Variants in ZNF606 observed in about 807,000 individuals in gnomAD.
The protein encoded by ZNF606 is zinc finger protein 328.
In ZNF606, 37 loss-of-function variants were observed where a neutral mutation model predicts 74.9. That is an observed-to-expected ratio of 0.49 (90% CI 0.38 to 0.65). The LOEUF (loss-of-function observed/expected upper bound fraction) is 0.65. ZNF606 is among the 30% of genes least tolerant of loss of function. The pLI is 0.00. For missense variants in ZNF606, 852 were observed against 952.9 expected (o/e 0.89, Z 1.39); for synonymous variants, 328 against 312.4 (o/e 1.05, Z -0.53).
chr19:58,000,820 C>T lies in ZNF606; in HGVS notation c.32-81G>A, dbSNP rs954409401. ...CAAAATACAAGAGGAGGCTGACTCG[C>T]TAATGGGCACTACAAAATTCCATAA... On this transcript the variant is annotated intron_variant, in intron 2 of 6. Coordinates refer to ENST00000551380, the MANE Select transcript of ZNF606 (RefSeq NM_001348022.3). 10 of 1,310,134 alleles carry T rather than the reference C, an allele frequency of 7.6e-6. No individual in the cohort carries two copies. In the African/African-American group the frequency reaches 1.3e-4, roughly 17 times the overall value. The allele number at this position is 1,310,134 out of a possible 1,614,324, so 81.2% of individuals were successfully genotyped here.
Position 57,988,247 on chromosome 19 carries a change from C to T in ZNF606, c.360G>A (p.Pro120=), listed in dbSNP as rs147425334. Residue 120 remains proline (P), a synonymous_variant, in exon 6 of 7, where the codon CCG becomes CCA. Transcript: ENST00000551380. ...VISLLEQGEE[P]WSVEQACPQR... The stretch of plus-strand genomic sequence containing the variant: ...GAGGACATGCCTGCTCCACTGACCA[C>T]GGCTCTTCTCCTTGCTCCAACAGGG... The T allele has an allele frequency of 9.4e-5, 152 of 1,614,000 alleles. No homozygotes were observed. The highest frequency in any genetic ancestry group is 1.9e-4 in the African/African-American group (14 of 74,914).
At chr19:57,981,477 C>T (rs1186453904) in intron 6 of ZNF606, among the ~76,000 whole-genome samples, 4 of 152,164 alleles carry the variant, frequency 2.6e-5, no homozygotes, top group Non-Finnish European at 5.9e-5. Context: ...TAAAGCCTTT[C>T]ATCTTAACAA....
At chr19:58,001,658 C>T (rs1459098656) in intron 1 of ZNF606, among the ~76,000 whole-genome samples, 1 of 152,044 alleles carries the variant, frequency 6.6e-6, no homozygotes, top group African/African-American at 2.4e-5. Flanking sequence ...ATTAATCTGA[C>T]AATTATTGTA....
chr19:57,988,298 A>C lies in ZNF606; in HGVS notation c.309T>G (p.Asn103Lys), dbSNP rs906669981. 1.9e-6 allele frequency: 3 copies of C among 1,613,700 alleles called. No homozygotes were observed. Among genetic ancestry groups the C allele is most frequent in the East Asian group, 4.5e-5 (2 of 44,860 alleles). The change falls in exon 6 of 7, where the codon AAT becomes AAG. Residue 103 changes from asparagine (N) to lysine (K), a missense_variant. Asn to Lys is a moderately conservative substitution (Grantham distance 94). Around this residue, in one of 3 missense-constraint regions of ZNF606, gnomAD observed 545 missense variants for 542.5 expected, o/e 1.00. Transcript: ENST00000551380. The stretch of plus-strand genomic sequence containing the variant: ...AGATGACCTCAGGCTTGGCAATCTG[A>C]TTTCCTATGCATGGAGGAAAAGCAT... The part of the protein sequence containing the change: ...ETYGHLLSVG[N>K]QIAKPEVISL...
upstream of ZNF606, chr19:58,003,056 G>C (rs2073469957): frequency 2.4e-6 from 1 of 410,358 alleles, no homozygotes; most frequent in Non-Finnish European, 4.9e-6. Context: ...GGTAAGTCGC[G>C]GCCCCGCGGG....
chr19:57,987,177 T>C (rs10409176), intron 6 of ZNF606, among the ~76,000 whole-genome samples: 22,169 of 152,184 alleles, frequency 0.15, 1,645 homozygotes, highest in African/African-American at 0.16. Flanking sequence ...CCTGTGTGTA[T>C]GCCTCTGTGT....
intron 4 of ZNF606, chr19:57,998,599 T>C (rs2073371863): frequency 6.6e-6 from 1 of 152,138 alleles, no homozygotes; most frequent in Admixed American, 6.6e-5. Context: ...AGGATTTCTT[T>C]TTAGGGTGAT....
At position 57,986,694 on chromosome 19, in the gene ZNF606, A is replaced by G. The variant is rs529847061; in HGVS notation, c.400+1513T>C. Among the ~76,000 whole-genome samples, 7 of 152,338 alleles carry G rather than the reference A, an allele frequency of 4.6e-5. No homozygotes were observed. In the East Asian group the frequency reaches 1.3e-3, roughly 29 times the overall value. On this transcript the variant is annotated intron_variant, in intron 6 of 6. Transcript: ENST00000551380. ...ATAAAGATGTAATTTGTGACAAAAC[A>G]GCATAAAAGGAGGAGGGCAGAGCTA...
rs1318404612 is a variant in ZNF606, at chr19:58,001,349, C to G, written c.-30G>C. On this transcript the variant is annotated 5_prime_UTR_variant, in exon 2 of 7. Transcript: ENST00000551380. ...AGGACTGATTGACCAGGCACCTGCC[C>G]AGGAACACAGCAAATCCCAACCTAG... The G allele has an allele frequency of 6.2e-7, 1 of 1,614,122 alleles. No homozygotes were observed. Among genetic ancestry groups the G allele is most frequent in the Non-Finnish European group, 8.5e-7 (1 of 1,180,006 alleles).
chr19:57,986,479 G>C (rs2073165484), intron 6 of ZNF606, among the ~76,000 whole-genome samples: 1 of 152,032 alleles, frequency 6.6e-6, no homozygotes, highest in African/African-American at 2.4e-5. Context: ...ATGCTAAAAT[G>C]AGTTCCTCAG....
chr19:57,982,192 C>A (rs1459192880), intron 6 of ZNF606, among the ~76,000 whole-genome samples: 1 of 152,160 alleles, frequency 6.6e-6, no homozygotes, highest in African/African-American at 2.4e-5. Flanking sequence ...TCTAAGGAAT[C>A]CACCATATCC....
At chr19:58,003,014 T>C, upstream of ZNF606, 1 of 443,950 alleles carries the variant, frequency 2.3e-6, no homozygotes, top group Non-Finnish European at 4.5e-6. Context: ...ACCACCCTCC[T>C]CCACCGTCGC....
chr19:57,988,220 T>TTGAGGACATGCC lies in ZNF606; in HGVS notation c.375_386dup (p.Ala126_Gln129dup). The TTGAGGACATGCC allele has an allele frequency of 6.2e-7, 1 of 1,613,920 alleles. No individual in the cohort carries two copies. Among genetic ancestry groups the TTGAGGACATGCC allele is most frequent in the Non-Finnish European group, 8.5e-7 (1 of 1,179,942 alleles). On this transcript the variant is annotated inframe_insertion, in exon 6 of 7. Coordinates refer to ENST00000551380, the MANE Select transcript of ZNF606 (RefSeq NM_001348022.3). The stretch of plus-strand genomic sequence containing the variant: ...GTCTGCCCTCACCTGGACAAGTGCG[T>TTGAGGACATGCC]TGAGGACATGCCTGCTCCACTGACC...
Position 57,978,101 on chromosome 19 carries a change from G to C in ZNF606, c.*200C>G, listed in dbSNP as rs980397785. On this transcript the variant is annotated 3_prime_UTR_variant, in exon 7 of 7. Coordinates refer to ENST00000551380, the MANE Select transcript of ZNF606 (RefSeq NM_001348022.3). This position sits in a 1 kb window ranked among gnomAD's most constrained non-coding sequence, Gnocchi z 4.4. ...CCTTCATTGTTAATTATCTGATTTT[G>C]AGTAAGGGCTAAATAACTGCTGAAA... 2.1e-6 allele frequency: 1 copy of C among 476,152 alleles called. No individual in the cohort carries two copies. The highest frequency in any genetic ancestry group is 3.5e-6 in the Non-Finnish European group (1 of 282,478). The allele number at this position is 476,152 out of a possible 1,614,324, so 29.5% of individuals were successfully genotyped here.
Position 57,998,834 on chromosome 19 carries a change from C to G in ZNF606, c.177+974G>C, listed in dbSNP as rs1349709086. On this transcript the variant is annotated intron_variant, in intron 4 of 6. Coordinates refer to ENST00000551380, the MANE Select transcript of ZNF606 (RefSeq NM_001348022.3). ...CCTAAGTAACTCCATTGTCCTATTT[C>G]TCTCAGGAGCCACCCTGTCCCCATA... 6.6e-5 allele frequency: 10 copies of G among 151,934 alleles called. No homozygotes were observed. In the East Asian group the frequency reaches 1.9e-3, roughly 29 times the overall value. The allele number at this position is 151,934 out of a possible 1,614,324, so 9.4% of individuals were successfully genotyped here.
chr19:58,000,874 G>T, intron 2 of ZNF606, 135 bp from the exon 3 acceptor site: 1 of 762,488 alleles, frequency 1.3e-6, no homozygotes, highest in Non-Finnish European at 2.0e-6. Context: ...TAAAAAAAAT[G>T]CAACATAAGC....
chr19:57,995,717 G>A (rs2073329765), intron 4 of ZNF606, among the ~76,000 whole-genome samples: 1 of 152,140 alleles, frequency 6.6e-6, no homozygotes, highest in Admixed American at 6.5e-5. Flanking sequence ...TACTTGGGAG[G>A]CTGAAGCACA....
chr19:57,990,793 A>G (rs1276041223), intron 4 of ZNF606, among the ~76,000 whole-genome samples: 1 of 151,928 alleles, frequency 6.6e-6, no homozygotes, highest in East Asian at 1.9e-4. Flanking sequence ...CTCTGTCTCA[A>G]TTGCTTCCCC....
chr19:58,000,242 G>A (rs932379180), intron 3 of ZNF606: 3 of 403,100 alleles, frequency 7.4e-6, no homozygotes, highest in African/African-American at 2.1e-5. Context: ...TTTTTTTTGA[G>A]ACTGAGTCTC....
Sources: gnomAD v4.1 joint callset for allele counts (sites outside exome capture counted in the v4.1 genomes callset) on GRCh38, gnomAD v4.1.1 for gene constraint, gnomAD v4.1.1 regional missense constraint, Gnocchi (gnomAD v3.1) non-coding constraint, MANE v1.5 for transcripts, NCBI Gene and HGNC (gene_info 2026-07-23, HGNC 2026-07-21) for gene names.